The following ULK2 variants were observed in gnomAD, a reference collection of about 807,000 sequenced individuals.
ULK2 encodes unc-51 like autophagy activating kinase 2, also known as serine/threonine-protein kinase ULK2.
Under a neutral mutation model 127.5 loss-of-function variants are expected in ULK2, and 76 were observed. The observed-to-expected ratio is 0.60, with a 90% CI of 0.50 to 0.72. ULK2 has a LOEUF of 0.72. Ranked by LOEUF, ULK2 falls within the 30% of genes least tolerant of loss-of-function variation. The pLI, the probability that ULK2 is intolerant of heterozygous loss-of-function variation, is 0.00. For synonymous variants in ULK2, 452 were observed against 461.9 expected (o/e 0.98, Z 0.28); for missense variants, 1,144 against 1,295.9 (o/e 0.88, Z 1.80).
At chr17:19,803,912 T>C (rs1381370029) in intron 15 of ULK2, among the ~76,000 whole-genome samples, 1 of 152,196 alleles carries the variant, frequency 6.6e-6, no homozygotes, top group Non-Finnish European at 1.5e-5. Flanking sequence ...CTCTATTGGG[T>C]GCTCTGAGAT....
chr17:19,849,260 T>A (rs1701859068), intron 5 of ULK2, 109 bp downstream of exon 5: 1 of 909,430 alleles, frequency 1.1e-6, no homozygotes, highest in Non-Finnish European at 1.7e-6. Context: ...ATTTATTGAA[T>A]GTTTCTATAC....
Position 19,867,483 on chromosome 17 carries a change from C to T in ULK2, c.-66G>A. On this transcript the variant is annotated 5_prime_UTR_variant, in exon 1 of 27. Coordinates refer to ENST00000395544, the MANE Select transcript of ULK2 (RefSeq NM_014683.4). ...CAGTGCGGCGCAGGTATCAGCACCGCGGCTCCGCGGGCCCGGAGCGCGCCA... is the reference window on the plus strand; with the variant it reads ...CAGTGCGGCGCAGGTATCAGCACCGTGGCTCCGCGGGCCCGGAGCGCGCCA... 4.5e-6 allele frequency: 6 copies of T among 1,328,228 alleles called. No individual in the cohort carries two copies. The South Asian group carries it at 4.6e-5, about 10-fold the overall frequency. 82.3% of individuals were successfully genotyped at this position (1,328,228 alleles called of 1,614,324 possible).
intron 2 of ULK2, 21 bp from the exon 3 acceptor site, chr17:19,864,865 G>T: frequency 8.3e-7 from 1 of 1,203,860 alleles, no homozygotes; most frequent in Non-Finnish European, 1.1e-6. Context: ...AATTGAGAAT[G>T]AAAAATATGT....
intron 3 of ULK2, among the ~76,000 whole-genome samples, chr17:19,864,302 T>G (rs187126204): frequency 2.6e-5 from 4 of 152,182 alleles, no homozygotes; most frequent in Non-Finnish European, 5.9e-5. Context: ...ACTCCATCTC[T>G]ATGAAAAACA....
chr17:19,853,895 A>T (rs988925427), intron 3 of ULK2, among the ~76,000 whole-genome samples: 1 of 152,206 alleles, frequency 6.6e-6, no homozygotes, highest in Non-Finnish European at 1.5e-5. Context: ...TAATAACATC[A>T]CCATGAGTGA....
chr17:19,842,843 T>C (rs1411513509), intron 8 of ULK2, among the ~76,000 whole-genome samples: 1 of 152,070 alleles, frequency 6.6e-6, no homozygotes, highest in African/African-American at 2.4e-5. Context: ...GAAGCTCTGG[T>C]GTCACCATTC....
intron 12 of ULK2, among the ~76,000 whole-genome samples, chr17:19,823,843 TTGCGG>T (rs2041221647): frequency 6.6e-6 from 1 of 152,206 alleles, no homozygotes; most frequent in Non-Finnish European, 1.5e-5. Flanking sequence ...TGGTATGAAT[TTGCGG>T]GGCTGTGTAA....
At chr17:19,780,953 A>G (rs2086905153) in intron 24 of ULK2, 33 bp downstream of exon 24, 1 of 1,590,748 alleles carries the variant, frequency 6.3e-7, no homozygotes, top group Admixed American at 1.7e-5. Context: ...TTAAGGACTG[A>G]CCCCTGGAGT....
intron 20 of ULK2, among the ~76,000 whole-genome samples, chr17:19,792,678 T>G (rs565879493): frequency 1.3e-5 from 2 of 152,086 alleles, no homozygotes; most frequent in African/African-American, 4.8e-5. Flanking sequence ...GCCAAGATGA[T>G]GCCACTGCAC....
chr17:19,857,077 G>A (rs570821653), intron 3 of ULK2, among the ~76,000 whole-genome samples: 7 of 151,750 alleles, frequency 4.6e-5, no homozygotes, highest in African/African-American at 7.2e-5. Flanking sequence ...AGGCCAAGAC[G>A]GGCAGATCAC....
chr17:19,842,522 C>T (rs895713686), intron 8 of ULK2, among the ~76,000 whole-genome samples: 1 of 151,922 alleles, frequency 6.6e-6, no homozygotes, highest in African/African-American at 2.4e-5. Context: ...AATACTATCT[C>T]GGGCAAATAT....
intron 18 of ULK2, among the ~76,000 whole-genome samples, chr17:19,797,042 C>A (rs942567278): frequency 1.7e-4 from 26 of 152,182 alleles, no homozygotes; most frequent in African/African-American, 5.8e-4. Context: ...ACCTGTAATT[C>A]TAGCATTTTG....
chr17:19,827,649 C>A (rs565826923), intron 10 of ULK2, among the ~76,000 whole-genome samples: 2 of 152,180 alleles, frequency 1.3e-5, no homozygotes, highest in Admixed American at 6.5e-5. Context: ...TGGTGGCTCA[C>A]GCCTATAATC....
At chr17:19,854,441 T>G (rs1056107214) in intron 3 of ULK2, among the ~76,000 whole-genome samples, 1 of 152,120 alleles carries the variant, frequency 6.6e-6, no homozygotes, top group Non-Finnish European at 1.5e-5. Context: ...ATTAATAAAT[T>G]TATAAATTGA....
At chr17:19,780,933 A>G in intron 24 of ULK2, 53 bp downstream of exon 24, 2 of 1,521,846 alleles carry the variant, frequency 1.3e-6, no homozygotes, top group Non-Finnish European at 1.8e-6. Flanking sequence ...GTGTGATGGG[A>G]AAGAGCAACT....
chr17:19,861,321 C>T lies in ULK2; in HGVS notation c.225+3482G>A, dbSNP rs373803587. Reference sequence around the variant, plus strand: ...CAGCACTTTGGGAGGCCGAGGTGGGCGGATCACGAGGTCAGGAGATCGAGA... The same window carrying T: ...CAGCACTTTGGGAGGCCGAGGTGGGTGGATCACGAGGTCAGGAGATCGAGA... On this transcript the variant is annotated intron_variant, in intron 3 of 26. Coordinates refer to ENST00000395544, the MANE Select transcript of ULK2 (RefSeq NM_014683.4). 1.2e-4 allele frequency among the ~76,000 whole-genome samples: 18 copies of T among 152,172 alleles called. No homozygotes were observed. In the East Asian group the frequency reaches 3.3e-3, roughly 28 times the overall value.
At chr17:19,849,796 T>C in intron 3 of ULK2, 22 bp from the exon 4 acceptor site, 1 of 1,450,320 alleles carries the variant, frequency 6.9e-7, no homozygotes, top group Non-Finnish European at 9.4e-7. Context: ...ACATATTAAA[T>C]ATCATTTAGA....
chr17:19,816,653 T>G, intron 13 of ULK2, 96 bp downstream of exon 13: 1 of 1,076,760 alleles, frequency 9.3e-7, no homozygotes, highest in Non-Finnish European at 1.2e-6. Flanking sequence ...TTTGAAAAGG[T>G]GCCCTACACA....
chr17:19,846,654 A>AG lies in ULK2; in HGVS notation c.469+82_469+83insC. ...GACTCCATCTCAAAAAAAAAAAAAAAATCCATCATTCAACAAAGCTAAAGT... is the reference window on the plus strand; with the variant it reads ...GACTCCATCTCAAAAAAAAAAAAAAAGATCCATCATTCAACAAAGCTAAAGT... On this transcript the variant is annotated intron_variant, in intron 6 of 26. Coordinates refer to ENST00000395544, the MANE Select transcript of ULK2 (RefSeq NM_014683.4). 5 of 1,448,800 alleles carry AG rather than the reference A, an allele frequency of 3.5e-6. No individual in the cohort carries two copies. The Admixed American group carries it at 1.2e-4, about 34-fold the overall frequency. The allele number at this position is 1,448,800 out of a possible 1,614,324, so 89.7% of individuals were successfully genotyped here.
Sources: gnomAD v4.1 joint callset for allele counts (sites outside exome capture counted in the v4.1 genomes callset) on GRCh38, gnomAD v4.1.1 for gene constraint, MANE v1.5 for transcripts, NCBI Gene and HGNC (gene_info 2026-07-23, HGNC 2026-07-21) for gene names.